Variants in XKR4 observed in about 807,000 individuals in gnomAD.
The protein encoded by XKR4 is XK related 4, also known as XK-related protein 4.
Under a neutral mutation model 53.9 loss-of-function variants are expected in XKR4, and 12 were observed. That is an observed-to-expected ratio of 0.22 (90% confidence interval 0.14 to 0.36). The LOEUF (loss-of-function observed/expected upper bound fraction) is 0.36. Among genes scored for constraint, XKR4 ranks in the 10% least tolerant of loss-of-function variants. XKR4 has a pLI of 1.00. For missense variants in XKR4, 799 were observed against 859.5 expected (o/e 0.93, Z 0.88); for synonymous variants, 354 against 362.4 (o/e 0.98, Z 0.26).
intron 2 of XKR4, among the ~76,000 whole-genome samples, chr8:55,402,956 A>C (rs1425642075): frequency 6.6e-6 from 1 of 152,162 alleles, no homozygotes; most frequent in Non-Finnish European, 1.5e-5. Context: ...CCAGGTCAGG[A>C]GCATCACAAA....
At chr8:55,210,496 C>T (rs941061172) in intron 1 of XKR4, among the ~76,000 whole-genome samples, 1 of 152,184 alleles carries the variant, frequency 6.6e-6, no homozygotes, top group African/African-American at 2.4e-5. Context: ...TTTTTTATGA[C>T]AGTTTTCAGA....
chr8:55,444,786 T>C (rs1287669238), intron 2 of XKR4, among the ~76,000 whole-genome samples: 1 of 152,240 alleles, frequency 6.6e-6, no homozygotes, highest in African/African-American at 2.4e-5. Flanking sequence ...GCATCATCTA[T>C]TAAAGTTTAA....
chr8:55,136,611 A>T (rs1003458541), intron 1 of XKR4, among the ~76,000 whole-genome samples: 2 of 152,230 alleles, frequency 1.3e-5, no homozygotes, highest in Non-Finnish European at 2.9e-5. Flanking sequence ...TAATTGGAAG[A>T]GTTAAAACAT....
chr8:55,108,499 C>CT (rs1816186294), intron 1 of XKR4, among the ~76,000 whole-genome samples: 1 of 152,070 alleles, frequency 6.6e-6, no homozygotes, highest in African/African-American at 2.4e-5. Context: ...GCTTCACAGG[C>CT]TTTGAGTTTG....
rs1807038687 is a variant in XKR4, at chr8:55,536,853, C to T, written c.*12626C>T. 6.6e-6 allele frequency: 1 copy of T among 152,198 alleles called. No homozygotes were observed. 9.4% of individuals were successfully genotyped at this position (152,198 alleles called of 1,614,324 possible). ...CAAGAAACTTTCTATTCAGTCTTTG[C>T]TATCTTTCATAAATTGTATCATTGC... On this transcript the variant is annotated 3_prime_UTR_variant, in exon 3 of 3. Coordinates refer to ENST00000327381, the MANE Select transcript of XKR4 (RefSeq NM_052898.2).
chr8:55,140,729 G>T (rs908402087), intron 1 of XKR4, among the ~76,000 whole-genome samples: 11 of 152,186 alleles, frequency 7.2e-5, no homozygotes, highest in African/African-American at 2.4e-4. Context: ...GCCCTGGGCT[G>T]GCTGTGGATT....
At chr8:55,180,595 C>T (rs1817295037) in intron 1 of XKR4, among the ~76,000 whole-genome samples, 1 of 152,102 alleles carries the variant, frequency 6.6e-6, no homozygotes, top group Admixed American at 6.5e-5. Flanking sequence ...TGCAATGGTG[C>T]GATCTTGGTT....
In XKR4 at chr8:55,524,286, G is replaced by A. The variant is rs575268940; in HGVS notation, c.*59G>A. ...ATGAAGGGGTGACAGCAGGGCTGTG[G>A]CCATAATGACACTTCATCCTAGAGC... On this transcript the variant is annotated 3_prime_UTR_variant, in exon 3 of 3. Transcript: ENST00000327381. 3.0e-4 allele frequency: 453 copies of A among 1,501,646 alleles called. No homozygotes were observed. Among genetic ancestry groups the A allele is most frequent in the Non-Finnish European group, 3.8e-4 (420 of 1,102,064 alleles). 93.0% of individuals were successfully genotyped at this position (1,501,646 alleles called of 1,614,324 possible). A position where few individuals can be genotyped will look rare whatever the true frequency, so the allele number is the denominator to read the frequency against.
chr8:55,113,017 T>G (rs1816254271), intron 1 of XKR4, among the ~76,000 whole-genome samples: 1 of 152,134 alleles, frequency 6.6e-6, no homozygotes, highest in Non-Finnish European at 1.5e-5. Flanking sequence ...GATGGGGTGA[T>G]GGCTAGGTTT....
intron 2 of XKR4, among the ~76,000 whole-genome samples, chr8:55,403,895 C>T (rs540175123): frequency 2.6e-4 from 39 of 152,332 alleles, no homozygotes; most frequent in African/African-American, 8.9e-4. Flanking sequence ...GCAAGTATCA[C>T]ATCCCGGAAG....
intron 1 of XKR4, among the ~76,000 whole-genome samples, chr8:55,222,607 C>A (rs1277853164): frequency 1.3e-5 from 2 of 152,126 alleles, no homozygotes; most frequent in Non-Finnish European, 2.9e-5. Flanking sequence ...TTGTCTATGT[C>A]CTTATTTCTG....
intron 1 of XKR4, among the ~76,000 whole-genome samples, chr8:55,237,416 GATA>G (rs1231840659): frequency 5.9e-5 from 9 of 152,318 alleles, no homozygotes; most frequent in African/African-American, 2.2e-4. Context: ...TTAGAGAAAA[GATA>G]ATGTTACTAA....
intron 1 of XKR4, among the ~76,000 whole-genome samples, chr8:55,346,286 A>T (rs907107239): frequency 6.6e-6 from 1 of 151,972 alleles, no homozygotes; most frequent in Non-Finnish European, 1.5e-5. Flanking sequence ...TGGCTTCACC[A>T]TGTTGGCCAG....
chr8:55,298,228 G>T (rs997448667), intron 1 of XKR4, among the ~76,000 whole-genome samples: 1 of 151,992 alleles, frequency 6.6e-6, no homozygotes, highest in Non-Finnish European at 1.5e-5. Context: ...ACTTTCTTTT[G>T]TAAAATAATG....
chr8:55,197,802 G>A (rs576480163), intron 1 of XKR4, among the ~76,000 whole-genome samples: 16 of 152,134 alleles, frequency 1.1e-4, no homozygotes, highest in African/African-American at 2.9e-4. Context: ...CTCAGCCTCC[G>A]AAAGTGCTGG....
At chr8:55,336,882 C>A (rs551401291) in intron 1 of XKR4, among the ~76,000 whole-genome samples, 2 of 152,082 alleles carry the variant, frequency 1.3e-5, no homozygotes, top group Admixed American at 6.6e-5. Context: ...ATGCATCAGG[C>A]GCACACGAAC....
intron 2 of XKR4, among the ~76,000 whole-genome samples, chr8:55,381,396 A>G (rs1804230885): frequency 6.6e-6 from 1 of 152,210 alleles, no homozygotes; most frequent in Non-Finnish European, 1.5e-5. Context: ...ATGGAGGCTA[A>G]AAGGTCCCAC....
intron 1 of XKR4, among the ~76,000 whole-genome samples, chr8:55,296,991 G>A (rs752428489): frequency 3.3e-5 from 5 of 152,112 alleles, no homozygotes; most frequent in Non-Finnish European, 7.4e-5. Flanking sequence ...ACGATTGAGG[G>A]TCTCTATTTC....
At chr8:55,210,462 T>C (rs1817714734) in intron 1 of XKR4, among the ~76,000 whole-genome samples, 2 of 152,252 alleles carry the variant, frequency 1.3e-5, no homozygotes, top group Non-Finnish European at 2.9e-5. Context: ...TGATCAAGAT[T>C]AACTGCTGTG....
Sources: gnomAD v4.1 joint callset for allele counts (sites outside exome capture counted in the v4.1 genomes callset) on GRCh38, gnomAD v4.1.1 for gene constraint, MANE v1.5 for transcripts, NCBI Gene and HGNC (gene_info 2026-07-23, HGNC 2026-07-21) for gene names.